Variants in ACKR3 observed in about 807,000 individuals in gnomAD.
ACKR3 encodes the protein atypical chemokine receptor 3.
ACKR3 carries 6 observed loss-of-function variants against 22.4 expected under a neutral mutation model. The ratio of observed to expected loss-of-function variants is 0.27; its 90% CI spans 0.15 to 0.53. ACKR3 has a LOEUF of 0.53. Among genes scored for constraint, ACKR3 ranks in the 20% least tolerant of loss-of-function variants. The probability of loss-of-function intolerance (pLI) is 0.96; values close to 1 mark genes in which losing one functional copy is unlikely to be tolerated. For synonymous variants in ACKR3, 209 were observed against 205.2 expected (o/e 1.02, Z -0.16); for missense variants, 396 against 475.2 (o/e 0.83, Z 1.55).
chr2:236,551,866 C>G, the ACKR3 span, among the ~76,000 whole-genome samples: 3 of 152,112 alleles, frequency 2.0e-5, no homozygotes, highest in Non-Finnish European at 2.9e-5. Flanking sequence ...AGGGGCTGGG[C>G]CCACCCGACT....
chr2:236,551,219 C>A, the ACKR3 span, among the ~76,000 whole-genome samples: 1 of 152,190 alleles, frequency 6.6e-6, no homozygotes, highest in Non-Finnish European at 1.5e-5. Context: ...GTGCTCCGGG[C>A]TCTGCATATG....
chr2:236,548,744 C>G, the ACKR3 span, among the ~76,000 whole-genome samples: 1 of 152,224 alleles, frequency 6.6e-6, no homozygotes, highest in South Asian at 2.1e-4. This position sits in a 1 kb window ranked among gnomAD's most constrained non-coding sequence, Gnocchi z 4.3. Flanking sequence ...AAGAGAGTTG[C>G]AGATGTTGAC....
the ACKR3 span, among the ~76,000 whole-genome samples, chr2:236,539,254 GTCTCTC>G: frequency 3.5e-5 from 5 of 143,078 alleles, no homozygotes; most frequent in African/African-American, 1.0e-4. Context: ...GTGTGTGTGT[GTCTCTC>G]TCTCTCTCTC....
At chr2:236,576,096 A>G (rs1488686842) in intron 1 of ACKR3, among the ~76,000 whole-genome samples, 1 of 152,000 alleles carries the variant, frequency 6.6e-6, no homozygotes, top group Non-Finnish European at 1.5e-5. Context: ...GGCCCTAGAG[A>G]CGCAGGCAGT....
chr2:236,571,290 T>C (rs561257455), intron 1 of ACKR3, among the ~76,000 whole-genome samples: 22 of 152,216 alleles, frequency 1.4e-4, no homozygotes, highest in African/African-American at 5.3e-4. Context: ...AACACTTGAA[T>C]GTGCACACAA....
chr2:236,575,519 GTGC>G (rs1173436650), intron 1 of ACKR3, among the ~76,000 whole-genome samples: 1 of 132,214 alleles, frequency 7.6e-6, no homozygotes, highest in Non-Finnish European at 1.6e-5. Flanking sequence ...GTCTGGGGTT[GTGC>G]TGTGTGTGCG....
At chr2:236,551,515 T>A in the ACKR3 span, among the ~76,000 whole-genome samples, 1 of 152,074 alleles carries the variant, frequency 6.6e-6, no homozygotes, top group Admixed American at 6.5e-5. Context: ...TCCTGCCACC[T>A]GAATCTCCCA....
chr2:236,572,334 A>G (rs940176665), intron 1 of ACKR3, among the ~76,000 whole-genome samples: 1 of 152,246 alleles, frequency 6.6e-6, no homozygotes, highest in Admixed American at 6.5e-5. Flanking sequence ...GTTTTGTTCC[A>G]GGCACTGAAA....
chr2:236,561,323 G>C, the ACKR3 span, among the ~76,000 whole-genome samples: 1 of 152,112 alleles, frequency 6.6e-6, no homozygotes, highest in Non-Finnish European at 1.5e-5. Flanking sequence ...GAAGAGTATG[G>C]AAAGAAAATA....
At chr2:236,538,199 T>G in the ACKR3 span, among the ~76,000 whole-genome samples, 6 of 152,188 alleles carry the variant, frequency 3.9e-5, no homozygotes, top group Non-Finnish European at 8.8e-5. Context: ...AGAAACTTGC[T>G]AAAAACCTTG....
upstream of ACKR3, among the ~76,000 whole-genome samples, chr2:236,568,588 C>G (rs1235503093): frequency 6.6e-6 from 1 of 152,214 alleles, no homozygotes; most frequent in East Asian, 1.9e-4. Context: ...CCTCCGGAGG[C>G]CCCCGGAGAG....
chr2:236,575,488 GGTT>G (rs1453058693), intron 1 of ACKR3, among the ~76,000 whole-genome samples: 1 of 137,596 alleles, frequency 7.3e-6, no homozygotes, highest in Non-Finnish European at 1.5e-5. Context: ...GTGTGTCTGG[GGTT>G]GTGCTGTGTG....
At chr2:236,562,375 CTCTT>C in the ACKR3 span, among the ~76,000 whole-genome samples, 1 of 152,078 alleles carries the variant, frequency 6.6e-6, no homozygotes, top group Non-Finnish European at 1.5e-5. Context: ...TTTTATGTCT[CTCTT>C]TATGAAGGAT....
chr2:236,574,089 CA>C lies in ACKR3; in HGVS notation c.-27+4167del, dbSNP rs1427658658. 6.6e-6 allele frequency among the ~76,000 whole-genome samples: 1 copy of C among 151,856 alleles called. No individual in the cohort carries two copies. On this transcript the variant is annotated intron_variant, in intron 1 of 1. Coordinates refer to ENST00000272928, the MANE Select transcript of ACKR3 (RefSeq NM_020311.3). The surrounding 1 kb of genome is among the most constrained non-coding windows in gnomAD (Gnocchi z 5.6). ...GGGGTGATGGGCCTGCGTGCCTTCC[CA>C]ATTAGCCGGCGGGGTCTCGGGGGTT...
At chr2:236,550,691 G>A in the ACKR3 span, among the ~76,000 whole-genome samples, 1 of 152,148 alleles carries the variant, frequency 6.6e-6, no homozygotes, top group Non-Finnish European at 1.5e-5. This position sits in a 1 kb window ranked among gnomAD's most constrained non-coding sequence, Gnocchi z 4.6. Context: ...AAACCTCTCG[G>A]AGCCTCAGCC....
At chr2:236,545,980 A>G in the ACKR3 span, among the ~76,000 whole-genome samples, 1 of 152,334 alleles carries the variant, frequency 6.6e-6, no homozygotes, top group African/African-American at 2.4e-5. This position sits in a 1 kb window ranked among gnomAD's most constrained non-coding sequence, Gnocchi z 5.3. Flanking sequence ...TCTCAGCACG[A>G]CTACAAAGGA....
chr2:236,565,557 C>T (rs575644232), upstream of ACKR3, among the ~76,000 whole-genome samples: 30 of 152,370 alleles, frequency 2.0e-4, no homozygotes, highest in African/African-American at 6.7e-4. Context: ...ACTAACTCTT[C>T]TCTGTCCAAT....
intron 1 of ACKR3, among the ~76,000 whole-genome samples, chr2:236,572,583 C>G (rs534116974): frequency 1.2e-4 from 18 of 152,174 alleles, no homozygotes; most frequent in Admixed American, 2.0e-4. Flanking sequence ...TGGCTTAGGG[C>G]GGGGGTGAGG....
intron 1 of ACKR3, among the ~76,000 whole-genome samples, chr2:236,575,078 A>G (rs1691380300): frequency 6.6e-6 from 1 of 152,054 alleles, no homozygotes; most frequent in Non-Finnish European, 1.5e-5. Context: ...ATGAAAGCTG[A>G]CGTTCACTGC....
Sources: allele counts gnomAD v4.1 joint callset (sites outside exome capture counted in the v4.1 genomes callset), GRCh38; gene constraint gnomAD v4.1.1; non-coding constraint Gnocchi (gnomAD v3.1); transcripts MANE v1.5; gene names NCBI Gene and HGNC (gene_info 2026-07-23, HGNC 2026-07-21).